CDH12: variants seen among roughly 807,000 people sequenced by gnomAD.
CDH12 encodes the protein cadherin 12.
CDH12 carries 41 observed loss-of-function variants against 74.1 expected under a neutral mutation model. The ratio of observed to expected loss-of-function variants is 0.55; its 90% CI spans 0.43 to 0.72. The LOEUF (loss-of-function observed/expected upper bound fraction) is 0.72. Among genes scored for constraint, CDH12 ranks in the 30% least tolerant of loss-of-function variants. The pLI is 0.00. For synonymous variants in CDH12, 399 were observed against 355.0 expected (o/e 1.12, Z -1.39); for missense variants, 945 against 977.2 (o/e 0.97, Z 0.44).
At chr5:22,676,802 G>A (rs901130065) in intron 1 of CDH12, among the ~76,000 whole-genome samples, 3 of 151,646 alleles carry the variant, frequency 2.0e-5, no homozygotes, top group African/African-American at 7.3e-5. Flanking sequence ...AAAATATGGA[G>A]AATAAAAATG....
intron 1 of CDH12, among the ~76,000 whole-genome samples, chr5:22,848,195 T>C (rs1271461870): frequency 6.6e-6 from 1 of 152,234 alleles, no homozygotes; most frequent in East Asian, 1.9e-4. Context: ...CCTTTTGAAA[T>C]ATGATGGCAA....
At chr5:22,694,760 G>A (rs1454443376) in intron 1 of CDH12, among the ~76,000 whole-genome samples, 1 of 151,260 alleles carries the variant, frequency 6.6e-6, no homozygotes, top group East Asian at 1.9e-4. Context: ...AATGTTTTAA[G>A]TTACTATGGC....
intron 5 of CDH12, among the ~76,000 whole-genome samples, chr5:22,046,186 G>A (rs1256118691): frequency 6.6e-6 from 1 of 151,908 alleles, no homozygotes; most frequent in African/African-American, 2.4e-5. Flanking sequence ...AAATAAAGTG[G>A]ACAATTTAAA....
intron 5 of CDH12, among the ~76,000 whole-genome samples, chr5:22,015,783 A>G (rs995897083): frequency 2.6e-5 from 4 of 152,232 alleles, no homozygotes; most frequent in Admixed American, 6.5e-5. Context: ...TGAAACAAAT[A>G]ATCAGTATAC....
At chr5:22,035,203 C>T (rs1384888157) in intron 5 of CDH12, among the ~76,000 whole-genome samples, 1 of 152,056 alleles carries the variant, frequency 6.6e-6, no homozygotes, top group Non-Finnish European at 1.5e-5. Flanking sequence ...TCTGGGTCTT[C>T]TGGAAAATTG....
At chr5:21,821,776 A>G (rs552492162) in intron 8 of CDH12, among the ~76,000 whole-genome samples, 3 of 152,134 alleles carry the variant, frequency 2.0e-5, no homozygotes, top group African/African-American at 7.2e-5. Context: ...AAATAAATAT[A>G]GCACTGAACT....
chr5:22,489,056 C>CTTTGTTTTTTTTTTTTTTTTTT (rs1746732265), intron 2 of CDH12, among the ~76,000 whole-genome samples: 1 of 37,314 alleles, frequency 2.7e-5, no homozygotes, highest in Non-Finnish European at 4.8e-5. Flanking sequence ...TTGGTACCAC[C>CTTTGTTTTTTTTTTTTTTTTTT]TTTTTTTTTT....
Position 22,820,457 on chromosome 5 carries a change from T to A in CDH12, c.-523+32601A>T, listed in dbSNP as rs1749637026. Among the ~76,000 whole-genome samples, 3 of 152,050 alleles carry A rather than the reference T, an allele frequency of 2.0e-5. No homozygotes were observed. The Middle Eastern group carries it at 0.01, about 521-fold the overall frequency. ...GTTTTTAAAATGGGAGCTGGTTTTTTGAAAAGATCAACAAAATCGATAGAC... is the reference window on the plus strand; with the variant it reads ...GTTTTTAAAATGGGAGCTGGTTTTTAGAAAAGATCAACAAAATCGATAGAC... On this transcript the variant is annotated intron_variant, in intron 1 of 14. Coordinates refer to ENST00000382254, the MANE Select transcript of CDH12 (RefSeq NM_004061.5).
chr5:22,405,257 A>C lies in CDH12; in HGVS notation c.-333T>G, dbSNP rs1314764207. 1.1e-6 allele frequency: 1 copy of C among 872,310 alleles called. No homozygotes were observed. Among genetic ancestry groups the C allele is most frequent in the African/African-American group, 1.8e-5 (1 of 55,006 alleles). 54.0% of individuals were successfully genotyped at this position (872,310 alleles called of 1,614,324 possible). On this transcript the variant is annotated splice_region_variant and 5_prime_UTR_variant, in exon 3 of 15. Transcript: ENST00000382254. ...AAATCATAACAATCAATTTACTTAC[A>C]AGTTAGAGGCAATTTATTTTCTAAG...
At chr5:22,543,218 C>T (rs761184918) in intron 1 of CDH12, among the ~76,000 whole-genome samples, 57 of 152,054 alleles carry the variant, frequency 3.7e-4, no homozygotes, top group Non-Finnish European at 6.0e-4. Flanking sequence ...GGATAATACA[C>T]ATAAAACTTG....
intron 8 of CDH12, among the ~76,000 whole-genome samples, chr5:21,820,255 T>C (rs1219343631): frequency 6.6e-6 from 1 of 152,014 alleles, no homozygotes; most frequent in Non-Finnish European, 1.5e-5. Context: ...AAGAAAGCTA[T>C]TCTTTGTAGT....
At chr5:22,842,461 G>GT (rs946846030) in intron 1 of CDH12, among the ~76,000 whole-genome samples, 2 of 152,046 alleles carry the variant, frequency 1.3e-5, no homozygotes, top group South Asian at 2.1e-4. Flanking sequence ...ATGCAAGAGA[G>GT]TTTTTTGCAA....
chr5:22,225,308 A>C (rs1019675602), intron 3 of CDH12, among the ~76,000 whole-genome samples: 1 of 152,086 alleles, frequency 6.6e-6, no homozygotes, highest in Non-Finnish European at 1.5e-5. Context: ...TAAATATGTA[A>C]GCTTTGGAAA....
intron 4 of CDH12, among the ~76,000 whole-genome samples, chr5:22,124,127 C>T (rs779781752): frequency 2.5e-4 from 38 of 151,646 alleles, no homozygotes; most frequent in Non-Finnish European, 4.7e-4. Flanking sequence ...CCAACACTCC[C>T]TGCTGATTAT....
At chr5:21,829,238 C>T (rs955638073) in intron 8 of CDH12, among the ~76,000 whole-genome samples, 15 of 152,062 alleles carry the variant, frequency 9.9e-5, no homozygotes, top group South Asian at 2.1e-4. Context: ...GAGGCTGCAG[C>T]GAGCCAAATC....
At chr5:22,529,871 C>T (rs781578216) in intron 1 of CDH12, among the ~76,000 whole-genome samples, 17 of 152,112 alleles carry the variant, frequency 1.1e-4, no homozygotes, top group Admixed American at 5.2e-4. Flanking sequence ...AGATGTTCAG[C>T]ATGAATGGAC....
rs761348505 is a variant in CDH12, at chr5:22,847,168, AAG to A, written c.-523+5888_-523+5889del. Among the ~76,000 whole-genome samples the A allele has an allele frequency of 2.4e-4, 37 of 152,150 alleles. 1 individual carries two copies. Among genetic ancestry groups the A allele is most frequent in the Non-Finnish European group, 8.8e-5 (6 of 68,022 alleles). The stretch of plus-strand genomic sequence containing the variant: ...TTAATATAACTAGATTTCTCACTAT[AAG>A]ACACTCTTTTACTTGAGAAATTTAT... On this transcript the variant is annotated intron_variant, in intron 1 of 14. Coordinates refer to ENST00000382254, the MANE Select transcript of CDH12 (RefSeq NM_004061.5).
At chr5:22,663,199 A>G (rs1418931183) in intron 1 of CDH12, among the ~76,000 whole-genome samples, 1 of 152,176 alleles carries the variant, frequency 6.6e-6, no homozygotes, top group Non-Finnish European at 1.5e-5. Context: ...CAGTTAAAAG[A>G]CAAATGTAAG....
At chr5:22,456,244 ATGTGTGTGTGTG>A (rs58290508) in intron 2 of CDH12, among the ~76,000 whole-genome samples, 5 of 147,286 alleles carry the variant, frequency 3.4e-5, no homozygotes, top group African/African-American at 1.0e-4. Flanking sequence ...GTCTATATAT[ATGTGTGTGTGTG>A]TGTGTGTGTG....
Sources: allele counts gnomAD v4.1 joint callset (sites outside exome capture counted in the v4.1 genomes callset), GRCh38; gene constraint gnomAD v4.1.1; transcripts MANE v1.5; gene names NCBI Gene and HGNC (gene_info 2026-07-23, HGNC 2026-07-21).